PCDH9: variants seen among roughly 807,000 people sequenced by gnomAD.
The protein encoded by PCDH9 is protocadherin-9.
A neutral mutation model predicts 70.6 loss-of-function variants in PCDH9; 24 were observed. The observed-to-expected ratio is 0.34, with a 90% confidence interval of 0.25 to 0.48. The LOEUF (loss-of-function observed/expected upper bound fraction) is 0.48. Among genes scored for constraint, PCDH9 ranks in the 20% least tolerant of loss-of-function variants. The pLI is 0.99. For synonymous variants in PCDH9, 562 were observed against 558.5 expected (o/e 1.01, Z -0.09); for missense variants, 1,281 against 1,503.6 (o/e 0.85, Z 2.45).
intron 4 of PCDH9, 146 bp downstream of exon 4, chr13:66,631,064 T>C (rs943833116): frequency 1.7e-6 from 1 of 583,006 alleles, no homozygotes; most frequent in African/African-American, 1.8e-5. Context: ...ATTAAATGTA[T>C]ATCTCAAAGA....
At chr13:66,627,256 G>C (rs1230892840) in intron 4 of PCDH9, among the ~76,000 whole-genome samples, 1 of 151,810 alleles carries the variant, frequency 6.6e-6, no homozygotes, top group African/African-American at 2.4e-5. Flanking sequence ...ACAACTCTTC[G>C]GGAACTATCA....
chr13:66,360,481 G>C (rs930573), intron 4 of PCDH9, among the ~76,000 whole-genome samples: 66,210 of 151,864 alleles, frequency 0.44, 16,010 homozygotes, highest in East Asian at 0.62. Context: ...TTAAAACTCA[G>C]AGGTTTTCTT....
At position 66,872,187 on chromosome 13, in the gene PCDH9, G is replaced by C. The variant is rs551239185; in HGVS notation, c.3138+31317C>G. On this transcript the variant is annotated intron_variant, in intron 3 of 4. Transcript: ENST00000377865. ...TTAATGATGTTGCTGATATATTGTA[G>C]ATCTTTGACTTCAATATGGTGAAAT... 1.3e-3 allele frequency among the ~76,000 whole-genome samples: 196 copies of C among 152,200 alleles called. 3 individuals are homozygous for C. Among genetic ancestry groups the C allele is most frequent in the Admixed American group, 9.2e-3 (140 of 15,262 alleles).
chr13:66,843,799 G>T (rs369592152), intron 3 of PCDH9, among the ~76,000 whole-genome samples: 5 of 152,214 alleles, frequency 3.3e-5, no homozygotes, highest in African/African-American at 1.2e-4. Context: ...GAGGTTAAGA[G>T]ATGGTACCTG....
intron 2 of PCDH9, among the ~76,000 whole-genome samples, chr13:67,146,948 G>A (rs902873981): frequency 2.1e-4 from 32 of 151,902 alleles, no homozygotes; most frequent in African/African-American, 7.5e-4. Flanking sequence ...CTGTGATTCC[G>A]GCTTCCTTTT....
At chr13:66,608,529 G>C (rs2077250413) in intron 4 of PCDH9, among the ~76,000 whole-genome samples, 1 of 152,066 alleles carries the variant, frequency 6.6e-6, no homozygotes, top group East Asian at 1.9e-4. Context: ...CAGATGCTTG[G>C]AATAAGAGGA....
chr13:66,629,147 T>G (rs1014849493), intron 4 of PCDH9, among the ~76,000 whole-genome samples: 1 of 152,244 alleles, frequency 6.6e-6, no homozygotes, highest in Non-Finnish European at 1.5e-5. Flanking sequence ...ATTGTAAATA[T>G]TCTACCTAGA....
At chr13:66,668,824 T>G (rs2078132571) in intron 3 of PCDH9, among the ~76,000 whole-genome samples, 1 of 152,166 alleles carries the variant, frequency 6.6e-6, no homozygotes, top group Non-Finnish European at 1.5e-5. Context: ...GCAGAGGTAT[T>G]TGTATTGTTA....
intron 2 of PCDH9, chr13:67,208,803 A>C (rs1013150582): frequency 6.6e-6 from 1 of 152,168 alleles, no homozygotes; most frequent in African/African-American, 2.4e-5. Flanking sequence ...TATCCATAGA[A>C]AAAAGCAAAG....
At chr13:66,588,883 C>T (rs949521168) in intron 4 of PCDH9, among the ~76,000 whole-genome samples, 12 of 150,028 alleles carry the variant, frequency 8.0e-5, no homozygotes, top group South Asian at 6.4e-4. Context: ...TCCATTATTA[C>T]GAGAACTTTT....
At chr13:66,728,850 A>G (rs2079037303) in intron 3 of PCDH9, among the ~76,000 whole-genome samples, 1 of 151,836 alleles carries the variant, frequency 6.6e-6, no homozygotes, top group African/African-American at 2.4e-5. Context: ...CTTCTTTTTG[A>G]TTTTTAATTC....
At chr13:66,829,642 C>T (rs1435407354) in intron 3 of PCDH9, among the ~76,000 whole-genome samples, 1 of 133,520 alleles carries the variant, frequency 7.5e-6, no homozygotes, top group Admixed American at 8.9e-5. Flanking sequence ...GGCGTGAACC[C>T]GGGAGGCGGA....
At chr13:67,148,160 A>T (rs2087568426) in intron 2 of PCDH9, among the ~76,000 whole-genome samples, 1 of 151,882 alleles carries the variant, frequency 6.6e-6, no homozygotes, top group Non-Finnish European at 1.5e-5. Flanking sequence ...TGGCTTTGAG[A>T]ATTTATAAGC....
chr13:67,225,257 A>G, intron 2 of PCDH9, 148 bp downstream of exon 2: 1 of 1,271,582 alleles, frequency 7.9e-7, no homozygotes, highest in Non-Finnish European at 1.1e-6. Context: ...ACTGAGCCCC[A>G]GAGGAATAGA....
intron 4 of PCDH9, among the ~76,000 whole-genome samples, chr13:66,600,248 A>G (rs2077149715): frequency 1.3e-5 from 2 of 152,040 alleles, no homozygotes; most frequent in East Asian, 3.9e-4. Flanking sequence ...AATATTCAAC[A>G]TCAAATGTAA....
At chr13:67,187,368 A>C (rs956990543) in intron 2 of PCDH9, among the ~76,000 whole-genome samples, 36 of 152,270 alleles carry the variant, frequency 2.4e-4, no homozygotes, top group African/African-American at 7.9e-4. Context: ...TGTGCACCAA[A>C]GTGTCCGCGA....
intron 2 of PCDH9, among the ~76,000 whole-genome samples, chr13:67,102,405 A>G (rs1044263703): frequency 1.3e-5 from 2 of 152,164 alleles, no homozygotes; most frequent in Non-Finnish European, 2.9e-5. Flanking sequence ...ACAGAAAGAC[A>G]CTCAAATGTA....
At chr13:66,655,852 T>C (rs1312645579) in intron 3 of PCDH9, among the ~76,000 whole-genome samples, 1 of 152,230 alleles carries the variant, frequency 6.6e-6, no homozygotes, top group African/African-American at 2.4e-5. Context: ...ATGTCTTTAT[T>C]TTCCGCTGTT....
In PCDH9 at chr13:66,682,394, A is replaced by G. The variant is rs1361626461; in HGVS notation, c.3139-50983T>C. ...TATCTATCTATCTATCTATCTATCTATCTATCATCTATCATCTTCTTCTTT... is the reference window on the plus strand; with the variant it reads ...TATCTATCTATCTATCTATCTATCTGTCTATCATCTATCATCTTCTTCTTT... On this transcript the variant is annotated intron_variant, in intron 3 of 4. Coordinates refer to ENST00000377865, the MANE Select transcript of PCDH9 (RefSeq NM_203487.3). 8.0e-5 allele frequency among the ~76,000 whole-genome samples: 8 copies of G among 99,442 alleles called. No individual in the cohort carries two copies. The East Asian group carries it at 1.7e-3, about 21-fold the overall frequency. 65.2% of individuals were successfully genotyped at this position (99,442 alleles called of 152,430 possible).
Sources: allele counts gnomAD v4.1 joint callset (sites outside exome capture counted in the v4.1 genomes callset), GRCh38; gene constraint gnomAD v4.1.1; transcripts MANE v1.5; gene names NCBI Gene and HGNC (gene_info 2026-07-23, HGNC 2026-07-21).